Variants in AHNAK observed in about 807,000 individuals in gnomAD.
AHNAK encodes AHNAK nucleoprotein, also known as neuroblast differentiation-associated protein AHNAK.
In AHNAK, 23 loss-of-function variants were observed where a neutral mutation model predicts 37.8. That is an observed-to-expected ratio of 0.61 (90% CI 0.44 to 0.86). The LOEUF (loss-of-function observed/expected upper bound fraction) is 0.86, where lower values mean the gene tolerates loss of function less well. Ranked by LOEUF, AHNAK falls within the 40% of genes least tolerant of loss-of-function variation. The probability of loss-of-function intolerance (pLI) is 0.00; values close to 1 mark genes in which losing one functional copy is unlikely to be tolerated. For missense variants in AHNAK, 7,411 were observed against 7,319.4 expected (o/e 1.01, Z -0.46); for synonymous variants, 2,481 against 2,636.3 (o/e 0.94, Z 1.80).
rs775691642 is a variant in AHNAK at position 62,520,995 on chromosome 11, C to T, written c.13422G>A (p.Lys4474=). The T allele has an allele frequency of 6.2e-7, 1 of 1,614,032 alleles. No individual in the cohort carries two copies. The highest frequency in any genetic ancestry group is 8.5e-7 in the Non-Finnish European group (1 of 1,180,008). ...TAGGTAGTGAAACATCCACATCACCCTTCACCTTGGGACCTTTCAGGTGCA... is the reference window on the plus strand; with the variant it reads ...TAGGTAGTGAAACATCCACATCACCTTTCACCTTGGGACCTTTCAGGTGCA... The part of the protein sequence containing the change: ...FDLHLKGPKV[K]GDVDVSLPKV... Residue 4474 remains lysine (K), a synonymous_variant, in exon 5 of 5, where the codon AAG becomes AAA. Transcript: ENST00000378024.
intron 4 of AHNAK, among the ~76,000 whole-genome samples, chr11:62,494,591 G>T (rs1163086191): frequency 6.6e-6 from 1 of 152,034 alleles, no homozygotes; most frequent in Non-Finnish European, 1.5e-5. Flanking sequence ...AGCTGGTCAG[G>T]CACAATGGCT....
Position 62,541,268 on chromosome 11 carries a change from A to C in AHNAK, c.-99-4701T>G, listed in dbSNP as rs554270044. Among the ~76,000 whole-genome samples the C allele has an allele frequency of 2.7e-4, 41 of 152,334 alleles. 1 individual carries two copies. The highest frequency in any genetic ancestry group is 9.9e-4 in the African/African-American group (41 of 41,570). ...CCACCCAGCACAGGCGGGACACAGG[A>C]GGCAACCCTCCGAGGGGAAGAAAAT... is the stretch of plus-strand genomic sequence containing the variant. On this transcript the variant is annotated intron_variant, in intron 1 of 4. Transcript: ENST00000378024.
chr11:62,449,227 A>G (rs760550031), intron 5 of AHNAK, among the ~76,000 whole-genome samples: 2 of 152,108 alleles, frequency 1.3e-5, no homozygotes, highest in African/African-American at 2.4e-5. Flanking sequence ...AATCCAGTGT[A>G]TTTCTGACAG....
In AHNAK at chr11:62,521,905, T is replaced by C; in HGVS notation, c.12512A>G (p.Asp4171Gly). 2 of 1,613,474 alleles carry C rather than the reference T, an allele frequency of 1.2e-6. No individual in the cohort carries two copies. The highest frequency in any genetic ancestry group is 1.7e-6 in the Non-Finnish European group (2 of 1,179,892). The change falls in exon 5 of 5, where the codon GAC becomes GGC. Residue 4171 changes from aspartate to glycine, a missense_variant. By Grantham distance (94) the Asp-to-Gly change is moderately conservative. Transcript: ENST00000378024. ...AACGTCCACATCTGGGACATCAATGTCCACTTTGGGGCCCTTGATGTCAAC... is the reference window on the plus strand; with the variant it reads ...AACGTCCACATCTGGGACATCAATGCCCACTTTGGGGCCCTTGATGTCAAC... ...PEVDIKGPKV[D>G]IDVPDVDVQG...
Position 62,520,450 on chromosome 11 carries a change from T to G in AHNAK, c.13967A>C (p.Lys4656Thr), listed in dbSNP as rs1940195106. The G allele has an allele frequency of 6.2e-7, 1 of 1,614,120 alleles. No homozygotes were observed. Among genetic ancestry groups the G allele is most frequent in the East Asian group, 2.2e-5 (1 of 44,878 alleles). Residue 4656 changes from lysine to threonine, a missense_variant, in exon 5 of 5, where the codon AAA becomes ACA. Coordinates refer to ENST00000378024, the MANE Select transcript of AHNAK (RefSeq NM_001620.3). Reference protein sequence around the residue: ...PDWHLKMPKVKMPKFSMPGFK... With the variant: ...PDWHLKMPKVTMPKFSMPGFK... ...GCCAGGCATGCTGAACTTGGGCATT[T>G]TCACTTTGGGCATTTTTAGGTGCCA... is the stretch of plus-strand genomic sequence containing the variant.
At chr11:62,493,632 C>A (rs1939550732) in intron 4 of AHNAK, among the ~76,000 whole-genome samples, 1 of 148,802 alleles carries the variant, frequency 6.7e-6, no homozygotes, top group African/African-American at 2.6e-5. Context: ...CCGTGCCCAG[C>A]CTTTTTTTTA....
At chr11:62,478,221 C>T (rs899543238) in intron 5 of AHNAK, among the ~76,000 whole-genome samples, 3 of 152,190 alleles carry the variant, frequency 2.0e-5, no homozygotes, top group Admixed American at 6.6e-5. Flanking sequence ...CACACACATT[C>T]GCTCTTCTTC....
intron 5 of AHNAK, among the ~76,000 whole-genome samples, chr11:62,478,821 C>G (rs899007130): frequency 2.7e-5 from 4 of 150,610 alleles, no homozygotes; most frequent in Admixed American, 2.6e-4. Context: ...CATTAATACA[C>G]CATTAAAAAA....
At position 62,527,887 on chromosome 11, in the gene AHNAK, A is replaced by T; in HGVS notation, c.6530T>A (p.Met2177Lys). The change falls in exon 5 of 5, where the codon ATG becomes AAG. Residue 2177 changes from methionine to lysine, a missense_variant. By Grantham distance (95) the Met-to-Lys change is moderately conservative (BLOSUM62 -1). Transcript: ENST00000378024. Reference protein sequence around the residue: ...LKGPKFKMPEMHFKTPKISMP... With the variant: ...LKGPKFKMPEKHFKTPKISMP... ...GGAGATCTTGGGGGTCTTGAAGTGCATCTCAGGCATCTTAAACTTGGGCCC... is the reference window on the plus strand; with the variant it reads ...GGAGATCTTGGGGGTCTTGAAGTGCTTCTCAGGCATCTTAAACTTGGGCCC... 6.2e-7 allele frequency: 1 copy of T among 1,613,718 alleles called. No individual in the cohort carries two copies. The highest frequency in any genetic ancestry group is 8.5e-7 in the Non-Finnish European group (1 of 1,179,946).
Position 62,531,165 on chromosome 11 carries a change from A to G in AHNAK, c.3252T>C (p.Asn1084=). Residue 1084 remains asparagine, a synonymous_variant, in exon 5 of 5, where the codon AAT becomes AAC. Coordinates refer to ENST00000378024, the MANE Select transcript of AHNAK (RefSeq NM_001620.3). ...LDLKGPKMKG[N]VDISAPKIEG... is the part of the protein sequence containing the mutation. Reference sequence around the variant, plus strand: ...CTATCTTTGGTGCAGAGATATCTACATTTCCTTTCATTTTGGGTCCTTTAA... The same window carrying G: ...CTATCTTTGGTGCAGAGATATCTACGTTTCCTTTCATTTTGGGTCCTTTAA... 1.2e-6 allele frequency: 2 copies of G among 1,613,866 alleles called. No individual in the cohort carries two copies. Among genetic ancestry groups the G allele is most frequent in the Middle Eastern group, 1.7e-4 (1 of 6,058 alleles).
Position 62,532,641 on chromosome 11 carries a change from G to C in AHNAK, c.1776C>G (p.Pro592=). 6.2e-7 allele frequency: 1 copy of C among 1,613,956 alleles called. No homozygotes were observed. The highest frequency in any genetic ancestry group is 8.5e-7 in the Non-Finnish European group (1 of 1,180,012). The change falls in exon 5 of 5, where the codon CCC becomes CCG. Residue 592 remains proline, a synonymous_variant. Coordinates refer to ENST00000378024, the MANE Select transcript of AHNAK (RefSeq NM_001620.3). ...GGACTTTGACTTTCCCTTCTACTCT[G>C]GGGAGTGTGACATCTACACCCCCTT... ...KVKGGVDVTL[P]RVEGKVKVPE...
rs1312172838 is a variant in AHNAK, at chr11:62,475,215, A to C, written c.442+16517T>G. Among the ~76,000 whole-genome samples the C allele has an allele frequency of 2.0e-5, 3 of 152,172 alleles. No individual in the cohort carries two copies. The East Asian group carries it at 5.8e-4, about 29-fold the overall frequency. On this transcript the variant is annotated intron_variant, in intron 5 of 5. Transcript: ENST00000257247. ...CTACTCAGGAGGCTGAAACAGGAGA[A>C]TTGCTCAAACCCAAGAGGCAGAGGT... is the stretch of plus-strand genomic sequence containing the variant.
chr11:62,527,125 C>A lies in AHNAK; in HGVS notation c.7292G>T (p.Gly2431Val), dbSNP rs773196069. The A allele has an allele frequency of 1.2e-6, 2 of 1,613,866 alleles. No homozygotes were observed. Among genetic ancestry groups the A allele is most frequent in the South Asian group, 2.2e-5 (2 of 91,010 alleles). ...DVSGPDIDIEGPEGKLKGPKF... is the reference protein window; with the variant it reads ...DVSGPDIDIEVPEGKLKGPKF... ...AGGGCCTTTCAATTTGCCCTCTGGT[C>A]CCTCAATGTCAATGTCTGGCCCACT... The change falls in exon 5 of 5, where the codon GGA becomes GTA. Residue 2431 changes from glycine to valine, a missense_variant. Coordinates refer to ENST00000378024, the MANE Select transcript of AHNAK (RefSeq NM_001620.3).
At chr11:62,544,691 T>C (rs770796071) in intron 1 of AHNAK, among the ~76,000 whole-genome samples, 7 of 152,136 alleles carry the variant, frequency 4.6e-5, no homozygotes, top group Admixed American at 2.0e-4. Flanking sequence ...GTGACCCCGC[T>C]GTCCCTAAGG....
At chr11:62,483,095 A>T (rs1309629940) in intron 5 of AHNAK, among the ~76,000 whole-genome samples, 1 of 152,148 alleles carries the variant, frequency 6.6e-6, no homozygotes, top group Non-Finnish European at 1.5e-5. Flanking sequence ...AGAGGTGGGA[A>T]ACTCCACCAG....
intron 5 of AHNAK, among the ~76,000 whole-genome samples, chr11:62,485,548 A>G (rs968945592): frequency 2.6e-5 from 4 of 151,896 alleles, no homozygotes; most frequent in East Asian, 1.9e-4. Context: ...TAAAAATACA[A>G]AAAATTAGCT....
In AHNAK at chr11:62,535,189, C is replaced by T. The variant is rs1349729949; in HGVS notation, c.156G>A (p.Gly52=). ...AGATGGTGGCACCCACAATCTGGTC[C>T]CCTGAGCAGGGAAGAGCAGGAAGCA... ...PAARTGVVKE[G]DQIVGATIYF... Residue 52 remains glycine, a splice_region_variant and synonymous_variant, in exon 4 of 5, where the codon GGG becomes GGA. Transcript: ENST00000378024. 1.1e-5 allele frequency: 17 copies of T among 1,607,856 alleles called. No homozygotes were observed. Among genetic ancestry groups the T allele is most frequent in the Non-Finnish European group, 1.4e-5 (17 of 1,174,896 alleles).
Position 62,518,419 on chromosome 11 carries a change from C to T in AHNAK, c.15998G>A (p.Gly5333Asp), listed in dbSNP as rs372818224. ...TCCCACCTGCATTTTGCCACCGACA[C>T]CACTGAGGTTGAGCCCTGGAGCATG... The part of the protein sequence containing the change: ...KVHAPGLNLS[G>D]VGGKMQVGGD... The change falls in exon 5 of 5, where the codon GGT (glycine) becomes GAT (aspartate). Residue 5333 changes from glycine to aspartate, a missense_variant. Transcript: ENST00000378024. 1.3e-5 allele frequency: 21 copies of T among 1,614,026 alleles called. No homozygotes were observed. The highest frequency in any genetic ancestry group is 1.1e-4 in the African/African-American group (8 of 74,898).
intron 5 of AHNAK, among the ~76,000 whole-genome samples, chr11:62,478,460 C>T (rs1319515382): frequency 6.6e-6 from 1 of 152,106 alleles, no homozygotes; most frequent in African/African-American, 2.4e-5. Flanking sequence ...TGCCGGGTGC[C>T]GGTGGCTCAC....
Sources: allele counts gnomAD v4.1 joint callset (sites outside exome capture counted in the v4.1 genomes callset), GRCh38; gene constraint gnomAD v4.1.1; transcripts MANE v1.5; gene names NCBI Gene and HGNC (gene_info 2026-07-23, HGNC 2026-07-21).